The following SRFBP1 variants were observed in gnomAD, a reference collection of about 807,000 sequenced individuals.
SRFBP1 encodes the protein serum response factor binding protein 1.
Under a neutral mutation model 45.5 loss-of-function variants are expected in SRFBP1, and 47 were observed. The observed-to-expected ratio is 1.03, with a 90% CI of 0.82 to 1.32. The LOEUF (loss-of-function observed/expected upper bound fraction) is 1.32. SRFBP1 is among the 40% of genes most tolerant of loss of function. The probability of loss-of-function intolerance (pLI) is 0.00; values close to 1 mark genes in which losing one functional copy is unlikely to be tolerated. For missense variants in SRFBP1, 621 were observed against 484.6 expected (o/e 1.28, Z -2.64); for synonymous variants, 203 against 166.3 (o/e 1.22, Z -1.70).
In SRFBP1 at chr5:121,979,595, G is replaced by A. The variant is rs751819131; in HGVS notation, c.198+4208G>A. Among the ~76,000 whole-genome samples, 6 of 152,096 alleles carry A rather than the reference G, an allele frequency of 3.9e-5. No homozygotes were observed. In the East Asian group the frequency reaches 5.8e-4, roughly 15 times the overall value. ...TATTTGTGAGCCAATACAAATAATC[G>A]TGTTATCAAATCAGACTCAACGTGT... On this transcript the variant is annotated intron_variant, in intron 3 of 7. Coordinates refer to ENST00000339397, the MANE Select transcript of SRFBP1 (RefSeq NM_152546.3).
At chr5:121,964,507 T>C (rs1199214155) in intron 1 of SRFBP1, among the ~76,000 whole-genome samples, 1 of 152,204 alleles carries the variant, frequency 6.6e-6, no homozygotes, top group Non-Finnish European at 1.5e-5. Flanking sequence ...TCCATGTCCC[T>C]GCAAAGGACA....
chr5:122,066,705 A>C (rs997062975), intron 2 of SRFBP1: 1 of 1,576,728 alleles, frequency 6.3e-7, no homozygotes, highest in African/African-American at 1.3e-5. Flanking sequence ...TCAGAACACC[A>C]GGCACTGATT....
intron 4 of SRFBP1, among the ~76,000 whole-genome samples, chr5:122,016,645 C>T (rs1753199293): frequency 6.6e-6 from 1 of 152,158 alleles, no homozygotes; most frequent in Non-Finnish European, 1.5e-5. Context: ...CTCAAGCAAG[C>T]ATGTTTGACC....
downstream of SRFBP1, among the ~76,000 whole-genome samples, chr5:122,029,568 C>T (rs893495436): frequency 6.6e-6 from 1 of 152,156 alleles, no homozygotes; most frequent in Non-Finnish European, 1.5e-5. Context: ...ATTCTAATCA[C>T]GTTGACTTTT....
chr5:122,068,636 C>G (rs1251821093), intron 2 of SRFBP1, among the ~76,000 whole-genome samples: 1 of 152,110 alleles, frequency 6.6e-6, no homozygotes, highest in Non-Finnish European at 1.5e-5. Flanking sequence ...GAGACTAAAT[C>G]ACAGCCATCA....
chr5:122,043,693 C>T lies in SRFBP1; in HGVS notation n.311+21286C>T, dbSNP rs974047414. The stretch of plus-strand genomic sequence containing the variant: ...GTATACTCTACTTAATAATACTCCA[C>T]GGCTTTAGAATAAGGGTCAGCAAAC... On this transcript the variant is annotated intron_variant and non_coding_transcript_variant, in intron 2 of 2. Coordinates refer to the SRFBP1 transcript ENST00000504881. Among the ~76,000 whole-genome samples the T allele has an allele frequency of 3.9e-5, 6 of 152,036 alleles. No homozygotes were observed. In the South Asian group the frequency reaches 1.0e-3, roughly 26 times the overall value.
In SRFBP1 at chr5:121,989,536, C is replaced by T. The variant is rs146541188; in HGVS notation, c.199-5063C>T. ...TAACCACGATTAAGTGTGGTGCATG[C>T]GGGACTAGGTGATCTTTAAACACTG... On this transcript the variant is annotated intron_variant, in intron 3 of 7. Transcript: ENST00000339397. 7.4e-4 allele frequency among the ~76,000 whole-genome samples: 113 copies of T among 152,248 alleles called. 1 individual carries two copies. The highest frequency in any genetic ancestry group is 2.4e-3 in the African/African-American group (101 of 41,538).
intron 4 of SRFBP1, among the ~76,000 whole-genome samples, chr5:122,016,511 TTTA>T (rs1261397916): frequency 1.3e-5 from 2 of 152,188 alleles, no homozygotes; most frequent in Admixed American, 1.3e-4. Flanking sequence ...GGTGACTTGT[TTTA>T]TTATCTGAAA....
Position 121,974,249 on chromosome 5 carries a change from A to G in SRFBP1, c.90A>G (p.Lys30=), listed in dbSNP as rs1160576019. 8 of 1,611,520 alleles carry G rather than the reference A, an allele frequency of 5.0e-6. No homozygotes were observed. The African/African-American group carries it at 9.4e-5, about 19-fold the overall frequency. Reference sequence around the variant, plus strand: ...GAATTCGAGTTTTAGTTATCCGAAAACTTGTCAGGAGTGTTGGCCGACTGA... The same window carrying G: ...GAATTCGAGTTTTAGTTATCCGAAAGCTTGTCAGGAGTGTTGGCCGACTGA... ...VKRIRVLVIR[K]LVRSVGRLKS... is the part of the protein sequence containing the mutation. Residue 30 remains lysine (K), a synonymous_variant, in exon 2 of 8, where the codon AAA becomes AAG. Coordinates refer to ENST00000339397, the MANE Select transcript of SRFBP1 (RefSeq NM_152546.3).
At chr5:122,010,867 A>G (rs931823361) in intron 4 of SRFBP1, among the ~76,000 whole-genome samples, 2 of 152,230 alleles carry the variant, frequency 1.3e-5, no homozygotes, top group African/African-American at 4.8e-5. Flanking sequence ...TATGGAAAAG[A>G]TTTCATTTGT....
chr5:122,011,276 A>T (rs1753088431), intron 4 of SRFBP1, among the ~76,000 whole-genome samples: 1 of 152,140 alleles, frequency 6.6e-6, no homozygotes, highest in Non-Finnish European at 1.5e-5. Context: ...CCCAAATAAA[A>T]ATTTTCCATT....
At chr5:121,963,174 A>T (rs1751987573) in intron 1 of SRFBP1, among the ~76,000 whole-genome samples, 1 of 152,214 alleles carries the variant, frequency 6.6e-6, no homozygotes, top group Non-Finnish European at 1.5e-5. Context: ...ACCCGTGGGT[A>T]ATACAGGGAT....
intron 4 of SRFBP1, among the ~76,000 whole-genome samples, chr5:122,002,065 A>G (rs114670429): frequency 6.6e-6 from 1 of 152,202 alleles, no homozygotes; most frequent in Non-Finnish European, 1.5e-5. Flanking sequence ...TACAACCTAT[A>G]TTCAGTGCTT....
At chr5:122,011,510 T>G (rs1753094539) in intron 4 of SRFBP1, among the ~76,000 whole-genome samples, 1 of 152,162 alleles carries the variant, frequency 6.6e-6, no homozygotes, top group Non-Finnish European at 1.5e-5. Context: ...CCTTTTAAGC[T>G]TCAAAATAAA....
chr5:122,008,766 T>C (rs557251021), intron 4 of SRFBP1, among the ~76,000 whole-genome samples: 22 of 152,314 alleles, frequency 1.4e-4, no homozygotes, highest in African/African-American at 5.3e-4. Flanking sequence ...CTATGAACAT[T>C]GTTACACATT....
chr5:122,063,722 A>AT (rs1754227077), intron 2 of SRFBP1: 1 of 151,954 alleles, frequency 6.6e-6, no homozygotes, highest in Non-Finnish European at 1.5e-5. Flanking sequence ...TTAAAACAAA[A>AT]TATCTCCTTA....
chr5:121,972,419 G>A (rs1752219356), intron 1 of SRFBP1, among the ~76,000 whole-genome samples: 1 of 151,888 alleles, frequency 6.6e-6, no homozygotes, highest in Non-Finnish European at 1.5e-5. Context: ...GCTTAAAACA[G>A]GCATTGTAGA....
At chr5:122,043,507 T>A (rs1188682313) in intron 2 of SRFBP1, among the ~76,000 whole-genome samples, 1 of 152,218 alleles carries the variant, frequency 6.6e-6, no homozygotes, top group African/African-American at 2.4e-5. Flanking sequence ...TGAGCCACCA[T>A]GCCCAGCCTG....
At chr5:122,026,564 C>T (rs1204859400) in intron 7 of SRFBP1, among the ~76,000 whole-genome samples, 4 of 152,192 alleles carry the variant, frequency 2.6e-5, no homozygotes, top group Non-Finnish European at 4.4e-5. Context: ...ACATCTGCTT[C>T]ATGTACACAG....
Sources: gnomAD v4.1 joint callset for allele counts (sites outside exome capture counted in the v4.1 genomes callset) on GRCh38, gnomAD v4.1.1 for gene constraint, MANE v1.5 for transcripts, NCBI Gene and HGNC (gene_info 2026-07-23, HGNC 2026-07-21) for gene names.